The following C10orf88 variants were observed in gnomAD, a reference collection of about 807,000 sequenced individuals.
C10orf88 encodes the protein chromosome 10 open reading frame 88.
A neutral mutation model predicts 34.2 loss-of-function variants in C10orf88; 29 were observed. That is an observed-to-expected ratio of 0.85 (90% CI 0.63 to 1.16). The LOEUF (loss-of-function observed/expected upper bound fraction) is 1.16. Ranked by LOEUF, C10orf88 falls within the 50% of genes most tolerant of loss-of-function variation. The probability of loss-of-function intolerance (pLI) is 0.00; values close to 1 mark genes in which losing one functional copy is unlikely to be tolerated. For synonymous variants in C10orf88, 194 were observed against 197.4 expected (o/e 0.98, Z 0.15); for missense variants, 507 against 533.2 (o/e 0.95, Z 0.48).
chr10:122,946,911 A>T (rs887228631), intron 4 of C10orf88, among the ~76,000 whole-genome samples: 2 of 152,178 alleles, frequency 1.3e-5, no homozygotes, highest in Non-Finnish European at 2.9e-5. Context: ...TGTCTGGAGC[A>T]AGCTGCCCAA....
At chr10:122,944,695 A>G (rs1354216920) in intron 4 of C10orf88, among the ~76,000 whole-genome samples, 2 of 152,254 alleles carry the variant, frequency 1.3e-5, no homozygotes, top group South Asian at 2.1e-4. Flanking sequence ...ACAGGTGTTC[A>G]ATGGAGTGTA....
intron 4 of C10orf88, among the ~76,000 whole-genome samples, chr10:122,944,705 A>T (rs1161364261): frequency 6.6e-6 from 1 of 152,132 alleles, no homozygotes; most frequent in Non-Finnish European, 1.5e-5. Flanking sequence ...AATGGAGTGT[A>T]CTTGAAAAAA....
intron 5 of C10orf88, among the ~76,000 whole-genome samples, chr10:122,934,512 A>G (rs1848515945): frequency 6.6e-6 from 1 of 152,162 alleles, no homozygotes; most frequent in Admixed American, 6.5e-5. Flanking sequence ...GTTGTTTTTT[A>G]CTGCTCATCA....
At position 122,952,859 on chromosome 10, in the gene C10orf88, C is replaced by A. The variant is rs781459039; in HGVS notation, c.338G>T (p.Gly113Val). Residue 113 changes from glycine to valine, a missense_variant, in exon 2 of 6, where the codon GGC (glycine) becomes GTC (valine). Coordinates refer to ENST00000481909, the MANE Select transcript of C10orf88 (RefSeq NM_024942.4). ...ATCCAGGACAGTACAAACATTCTTG[C>A]CCCTACTGGTTCCACAGTACTCCTC... ...LGEEYCGTSR[G>V]KNVCTVLDDS... 11 of 1,614,072 alleles carry A rather than the reference C, an allele frequency of 6.8e-6. No individual in the cohort carries two copies. The highest frequency in any genetic ancestry group is 7.6e-6 in the Non-Finnish European group (9 of 1,179,954).
Position 122,951,971 on chromosome 10 carries a change from G to A in C10orf88, c.424C>T (p.His142Tyr), listed in dbSNP as rs1848694562. The A allele has an allele frequency of 1.3e-6, 2 of 1,547,250 alleles. No individual in the cohort carries two copies. The highest frequency in any genetic ancestry group is 1.8e-6 in the Non-Finnish European group (2 of 1,127,536). ...CAACTTACCTTTATTTTACAAGCAT[G>A]TGTGGAGGACTCCAATTTTAGATTT... ...KKNLKLESST[H>Y]ACKIKLLSFG... is the part of the protein sequence containing the mutation. Residue 142 changes from histidine (H) to tyrosine (Y), a missense_variant, in exon 3 of 6, where the codon CAT becomes TAT. Transcript: ENST00000481909.
chr10:122,932,368 T>C lies in C10orf88; in HGVS notation c.*59A>G. ...CTTGCTTTTTATAAATATTTTTGGG[T>C]TTTGGCTTTGTAATAAATATGTAAT... On this transcript the variant is annotated 3_prime_UTR_variant, in exon 6 of 6. Transcript: ENST00000481909. The C allele has an allele frequency of 1.4e-6, 2 of 1,400,384 alleles. No individual in the cohort carries two copies. The highest frequency in any genetic ancestry group is 2.3e-5 in the East Asian group (1 of 42,596). The allele number at this position is 1,400,384 out of a possible 1,614,324, so 86.7% of individuals were successfully genotyped here.
chr10:122,945,112 G>A (rs1848627686), intron 4 of C10orf88, among the ~76,000 whole-genome samples: 2 of 151,508 alleles, frequency 1.3e-5, no homozygotes, highest in African/African-American at 4.8e-5. Context: ...ATAGATATAT[G>A]TATGTGTCAC....
intron 5 of C10orf88, among the ~76,000 whole-genome samples, chr10:122,935,434 T>A (rs773854868): frequency 1.3e-5 from 2 of 152,024 alleles, no homozygotes; most frequent in Non-Finnish European, 1.5e-5. Context: ...TATTTTTGCA[T>A]TGTCAAACGT....
rs1848481189 is a variant in C10orf88, at chr10:122,931,011, ATT to A, written c.*1414_*1415del. ...TGAGGAGTGAGGGGGTTAAAATATA[ATT>A]TTTCTAATAAAGGTGTTTCACATTC... On this transcript the variant is annotated 3_prime_UTR_variant, in exon 6 of 6. Transcript: ENST00000481909. The A allele has an allele frequency of 6.6e-6, 1 of 152,138 alleles. No individual in the cohort carries two copies. The highest frequency in any genetic ancestry group is 2.1e-4 in the South Asian group (1 of 4,830). 9.4% of individuals were successfully genotyped at this position (152,138 alleles called of 1,614,324 possible).
Position 122,932,021 on chromosome 10 carries a change from TAGAAAA to T in C10orf88, c.*400_*405del. 1 of 153,902 alleles carries T rather than the reference TAGAAAA, an allele frequency of 6.5e-6. No homozygotes were observed. Among genetic ancestry groups the T allele is most frequent in the African/African-American group, 2.4e-5 (1 of 41,600 alleles). The allele number at this position is 153,902 out of a possible 1,614,324, so 9.5% of individuals were successfully genotyped here. A position where few individuals can be genotyped will look rare whatever the true frequency, so the allele number is the denominator to read the frequency against. On this transcript the variant is annotated 3_prime_UTR_variant, in exon 6 of 6. Transcript: ENST00000481909. ...TAAGTATCCAATTTTCCAAGATAATTAGAAAAAGAAAAAAATCAAATACTCTTAAGC... is the reference window on the plus strand; with the variant it reads ...TAAGTATCCAATTTTCCAAGATAATTAGAAAAAAATCAAATACTCTTAAGC...
chr10:122,954,069 C>A lies in C10orf88; in HGVS notation c.110G>T (p.Gly37Val). The change falls in exon 1 of 6, where the codon GGT becomes GTT. Residue 37 changes from glycine (G) to valine (V), a missense_variant. Gly to Val is a moderately radical substitution (Grantham distance 109, BLOSUM62 -3). Transcript: ENST00000481909. ...CCAGTCGAAGTCACCGGGGCCGAGA[C>A]CGGCCCGGGTGAGGAGGAGGCTGTG... ...LTHSLLLTRA[G>V]LGPGDFDWEE... is the part of the protein sequence containing the mutation. The A allele has an allele frequency of 6.4e-7, 1 of 1,554,160 alleles. No individual in the cohort carries two copies. The highest frequency in any genetic ancestry group is 1.2e-5 in the South Asian group (1 of 84,988).
At chr10:122,940,159 T>C (rs1455207340) in intron 4 of C10orf88, among the ~76,000 whole-genome samples, 1 of 151,972 alleles carries the variant, frequency 6.6e-6, no homozygotes, top group African/African-American at 2.4e-5. Flanking sequence ...TAAATGTCCA[T>C]TGACTGATGT....
chr10:122,942,145 T>C (rs1848590063), intron 4 of C10orf88, among the ~76,000 whole-genome samples: 2 of 152,130 alleles, frequency 1.3e-5, no homozygotes, highest in East Asian at 3.8e-4. Flanking sequence ...AATCAGACAG[T>C]AAACTAATTA....
intron 3 of C10orf88, among the ~76,000 whole-genome samples, chr10:122,950,885 T>C (rs1351405029): frequency 6.6e-6 from 1 of 152,260 alleles, no homozygotes; most frequent in African/African-American, 2.4e-5. Flanking sequence ...GTGAGTTTGC[T>C]ATCTGCCTGT....
chr10:122,932,653 T>C lies in C10orf88; in HGVS notation c.1112A>G (p.Glu371Gly). Residue 371 changes from glutamate to glycine, a missense_variant, in exon 6 of 6, where the codon GAG becomes GGG. Transcript: ENST00000481909. ...GERILGVGME[E>G]QSICSYLEKI... ...TTCCAAGTAGGAGCAAATAGATTGC[T>C]CTTCCATTCTAAAAATACATTTTTA... is the stretch of plus-strand genomic sequence containing the variant. 2 of 1,590,860 alleles carry C rather than the reference T, an allele frequency of 1.3e-6. No individual in the cohort carries two copies. The highest frequency in any genetic ancestry group is 1.1e-5 in the South Asian group (1 of 88,792).
At chr10:122,935,097 G>T (rs1848522324) in intron 5 of C10orf88, among the ~76,000 whole-genome samples, 1 of 151,930 alleles carries the variant, frequency 6.6e-6, no homozygotes, top group Non-Finnish European at 1.5e-5. Flanking sequence ...AATTTGCAAA[G>T]AATTTCTCCC....
chr10:122,932,638 G>A lies in C10orf88; in HGVS notation c.1127C>T (p.Ser376Phe), dbSNP rs372115302. 7 of 1,609,346 alleles carry A rather than the reference G, an allele frequency of 4.3e-6. No individual in the cohort carries two copies. Among genetic ancestry groups the A allele is most frequent in the Middle Eastern group, 3.3e-4 (2 of 6,002 alleles). Residue 376 changes from serine (S) to phenylalanine (F), a missense_variant, in exon 6 of 6, where the codon TCC (serine) becomes TTC (phenylalanine). Coordinates refer to ENST00000481909, the MANE Select transcript of C10orf88 (RefSeq NM_024942.4). ...GVGMEEQSIC[S>F]YLEKILSKNM... Reference sequence around the variant, plus strand: ...TTTAGAAAGAATCTTTTCCAAGTAGGAGCAAATAGATTGCTCTTCCATTCT... The same window carrying A: ...TTTAGAAAGAATCTTTTCCAAGTAGAAGCAAATAGATTGCTCTTCCATTCT...
chr10:122,931,686 A>T lies in C10orf88; in HGVS notation c.*741T>A, dbSNP rs1445299738. The T allele has an allele frequency of 6.6e-6, 1 of 152,168 alleles. No homozygotes were observed. Among genetic ancestry groups the T allele is most frequent in the Admixed American group, 6.5e-5 (1 of 15,274 alleles). 9.4% of individuals were successfully genotyped at this position (152,168 alleles called of 1,614,324 possible). Reference sequence around the variant, plus strand: ...CATACAATAAACATGCCAGAAAAGGATTCTGGGGAAAAAACCTGTATCAGC... The same window carrying T: ...CATACAATAAACATGCCAGAAAAGGTTTCTGGGGAAAAAACCTGTATCAGC... On this transcript the variant is annotated 3_prime_UTR_variant, in exon 6 of 6. Transcript: ENST00000481909.
intron 4 of C10orf88, among the ~76,000 whole-genome samples, chr10:122,947,191 T>G (rs1004324147): frequency 6.6e-6 from 1 of 152,186 alleles, no homozygotes; most frequent in Non-Finnish European, 1.5e-5. Context: ...TACATTTCCA[T>G]CTTTTTTGAA....
Sources: gnomAD v4.1 joint callset for allele counts (sites outside exome capture counted in the v4.1 genomes callset) on GRCh38, gnomAD v4.1.1 for gene constraint, MANE v1.5 for transcripts, NCBI Gene and HGNC (gene_info 2026-07-23, HGNC 2026-07-21) for gene names.